Variants in ABCB5 observed in about 807,000 individuals in gnomAD.
ABCB5 encodes the protein ATP binding cassette subfamily B member 5.
A neutral mutation model predicts 144.2 loss-of-function variants in ABCB5; 155 were observed. That is an observed-to-expected ratio of 1.08 (90% confidence interval 0.94 to 1.23). ABCB5 has a LOEUF of 1.23. Ranked by LOEUF, ABCB5 falls within the 50% of genes most tolerant of loss-of-function variation. ABCB5 has a pLI of 0.00. For synonymous variants in ABCB5, 610 were observed against 528.6 expected, an observed-to-expected ratio of 1.15 and a Z score of -2.11; for missense variants, 1,830 against 1,520.8, an observed-to-expected ratio of 1.20 and a Z score of -3.38.
intron 14 of ABCB5, among the ~76,000 whole-genome samples, chr7:20,669,165 G>C (rs1294571149): frequency 4.0e-5 from 6 of 148,992 alleles, no homozygotes; most frequent in Middle Eastern, 3.2e-3. Context: ...GCTTCTGCCC[G>C]GCCGCCCCTA....
intron 13 of ABCB5, among the ~76,000 whole-genome samples, chr7:20,657,466 C>A (rs994475439): frequency 1.3e-5 from 2 of 152,120 alleles, no homozygotes; most frequent in Non-Finnish European, 1.5e-5. Flanking sequence ...ACAACTGATA[C>A]AACATGGATG....
At chr7:20,752,803 G>A (rs1248827793) in intron 26 of ABCB5, among the ~76,000 whole-genome samples, 2 of 152,092 alleles carry the variant, frequency 1.3e-5, no homozygotes, top group Non-Finnish European at 2.9e-5. Flanking sequence ...CCAAGATTGC[G>A]CCACTGCACT....
At chr7:20,693,270 A>G (rs4721937) in intron 16 of ABCB5, among the ~76,000 whole-genome samples, 128,092 of 152,028 alleles carry the variant, frequency 0.84, 54,030 homozygotes, top group South Asian at 0.89. Flanking sequence ...GAAGGCTGAT[A>G]TAGGAGGATT....
chr7:20,755,677 C>T lies in ABCB5; in HGVS notation c.*53C>T, dbSNP rs1783069164. 8 of 1,537,220 alleles carry T rather than the reference C, an allele frequency of 5.2e-6. No individual in the cohort carries two copies. The highest frequency in any genetic ancestry group is 7.2e-6 in the Non-Finnish European group (8 of 1,116,012). On this transcript the variant is annotated 3_prime_UTR_variant, in exon 28 of 28. Coordinates refer to ENST00000404938, the MANE Select transcript of ABCB5 (RefSeq NM_001163941.2). Reference sequence around the variant, plus strand: ...GTTCGTGTAATGCAAAGAAGGAGTACTTAATAATTACTTGGCAAGCTTTGA... The same window carrying T: ...GTTCGTGTAATGCAAAGAAGGAGTATTTAATAATTACTTGGCAAGCTTTGA...
intron 2 of ABCB5, among the ~76,000 whole-genome samples, chr7:20,624,774 G>A (rs1455206148): frequency 6.6e-6 from 1 of 152,168 alleles, no homozygotes; most frequent in African/African-American, 2.4e-5. Context: ...CCTCCAGCTT[G>A]AAAACCAGCA....
chr7:20,703,099 A>G (rs1257742385), intron 19 of ABCB5, among the ~76,000 whole-genome samples: 1 of 152,180 alleles, frequency 6.6e-6, no homozygotes, highest in Non-Finnish European at 1.5e-5. Flanking sequence ...GCGAGTTACT[A>G]TAGAATCAGG....
chr7:20,730,371 T>G (rs1275520510), intron 23 of ABCB5, among the ~76,000 whole-genome samples: 4 of 152,208 alleles, frequency 2.6e-5, no homozygotes, highest in African/African-American at 9.6e-5. Context: ...TAGCCATGTA[T>G]GGCGGTGCAT....
intron 14 of ABCB5, among the ~76,000 whole-genome samples, chr7:20,671,374 T>C (rs953475047): frequency 2.0e-5 from 3 of 152,192 alleles, no homozygotes; most frequent in African/African-American, 7.2e-5. Flanking sequence ...TATTAAAACA[T>C]ATGATTGGAA....
Position 20,704,827 on chromosome 7 carries a change from T to A in ABCB5, c.2421+20T>A, listed in dbSNP as rs762423047. The A allele has an allele frequency of 2.5e-6, 4 of 1,579,802 alleles. No individual in the cohort carries two copies. The South Asian group carries it at 3.3e-5, about 13-fold the overall frequency. On this transcript the variant is annotated intron_variant, in intron 20 of 27. Coordinates refer to ENST00000404938, the MANE Select transcript of ABCB5 (RefSeq NM_001163941.2). ...CAAGGAGTATGTATATTGTTTTTAT[T>A]GTAAATGATGTATGTATGTGGTGTG...
At chr7:20,629,945 A>G (rs1784000940) in intron 4 of ABCB5, among the ~76,000 whole-genome samples, 1 of 152,134 alleles carries the variant, frequency 6.6e-6, no homozygotes, top group Admixed American at 6.6e-5. Context: ...AGAGACAGAT[A>G]CCCTGAATTG....
At chr7:20,659,483 C>T (rs1198615664) in intron 14 of ABCB5, 1 of 1,053,752 alleles carries the variant, frequency 9.5e-7, no homozygotes, top group Admixed American at 5.0e-5. Flanking sequence ...GCTAAATGTC[C>T]ACTGCTTCTT....
At chr7:20,624,279 A>G (rs1055321958) in intron 2 of ABCB5, among the ~76,000 whole-genome samples, 1 of 152,226 alleles carries the variant, frequency 6.6e-6, no homozygotes, top group Non-Finnish European at 1.5e-5. Context: ...GTAACTGTAC[A>G]GTTAAGAGTT....
intron 14 of ABCB5, among the ~76,000 whole-genome samples, chr7:20,675,799 A>G (rs925786772): frequency 1.3e-5 from 2 of 152,022 alleles, no homozygotes; most frequent in South Asian, 2.1e-4. Context: ...AGGAACTCCT[A>G]TAACTCAATA....
intron 2 of ABCB5, among the ~76,000 whole-genome samples, chr7:20,624,770 G>C (rs533574557): frequency 2.0e-5 from 3 of 152,300 alleles, no homozygotes; most frequent in Non-Finnish European, 2.9e-5. Context: ...ATCCCCTCCA[G>C]CTTGAAAACC....
At chr7:20,640,698 A>T (rs1377115274) in intron 5 of ABCB5, among the ~76,000 whole-genome samples, 2 of 152,214 alleles carry the variant, frequency 1.3e-5, no homozygotes, top group African/African-American at 4.8e-5. Context: ...CACTCTGTGC[A>T]TGTCCATAAA....
chr7:20,722,115 T>C (rs10266338), intron 20 of ABCB5, among the ~76,000 whole-genome samples: 1 of 152,152 alleles, frequency 6.6e-6, no homozygotes, highest in Non-Finnish European at 1.5e-5. Context: ...CTTTCTTTAG[T>C]TTTTTGTTAA....
intron 12 of ABCB5, among the ~76,000 whole-genome samples, chr7:20,651,116 A>G (rs915285550): frequency 2.0e-5 from 3 of 152,228 alleles, no homozygotes; most frequent in African/African-American, 7.2e-5. Flanking sequence ...GTGTCTACAT[A>G]ATAACATTTG....
At chr7:20,673,946 G>T (rs1314440737) in intron 14 of ABCB5, among the ~76,000 whole-genome samples, 2 of 151,708 alleles carry the variant, frequency 1.3e-5, no homozygotes, top group Admixed American at 6.6e-5. Flanking sequence ...TTTCAGTGAT[G>T]GCTTTAGAGT....
chr7:20,650,843 C>T (rs1421407254), intron 12 of ABCB5, among the ~76,000 whole-genome samples: 1 of 152,112 alleles, frequency 6.6e-6, no homozygotes, highest in Non-Finnish European at 1.5e-5. Flanking sequence ...ATAGAATATC[C>T]ATGCCCTGAC....
Sources: allele counts gnomAD v4.1 joint callset (sites outside exome capture counted in the v4.1 genomes callset), GRCh38; gene constraint gnomAD v4.1.1; transcripts MANE v1.5; gene names NCBI Gene and HGNC (gene_info 2026-07-23, HGNC 2026-07-21).